Variants in AARS1 observed in about 807,000 individuals in gnomAD.
AARS1 encodes alanyl-tRNA synthetase 1.
In AARS1, 72 loss-of-function variants were observed where a neutral mutation model predicts 108.9. The observed-to-expected ratio is 0.66, with a 90% CI of 0.55 to 0.80. AARS1 has a LOEUF of 0.80. AARS1 is among the 30% of genes least tolerant of loss of function. The pLI is 0.00. For synonymous variants in AARS1, 489 were observed against 465.7 expected (o/e 1.05, Z -0.64); for missense variants, 1,193 against 1,233.2 (o/e 0.97, Z 0.49).
chr16:70,268,919 TAA>T (rs1339290409), intron 7 of AARS1, among the ~76,000 whole-genome samples: 1 of 152,168 alleles, frequency 6.6e-6, no homozygotes, highest in African/African-American at 2.4e-5. Context: ...TTAAGTTTCA[TAA>T]AGAGGCCGGG....
rs1567606748 is a variant in AARS1, at chr16:70,267,826, A to G, written c.1072-17T>C. On this transcript the variant is annotated splice_polypyrimidine_tract_variant and intron_variant, in intron 8 of 20. Transcript: ENST00000261772. Reference sequence around the variant, plus strand: ...TGCATCTCCCTGACAAAGGGGAAGCAAGATGAGGGGCTGGATGAAGCCAGA... The same window carrying G: ...TGCATCTCCCTGACAAAGGGGAAGCGAGATGAGGGGCTGGATGAAGCCAGA... 1 of 1,614,150 alleles carries G rather than the reference A, an allele frequency of 6.2e-7. No homozygotes were observed. The highest frequency in any genetic ancestry group is 1.7e-5 in the Admixed American group (1 of 60,012).
Position 70,265,551 on chromosome 16 carries a change from C to A in AARS1, c.1334G>T (p.Arg445Met), listed in dbSNP as rs776515117. The change falls in exon 10 of 21, where the codon AGG (arginine) becomes ATG (methionine). Residue 445 changes from arginine (R) to methionine (M), a missense_variant. Arg to Met is a moderately conservative substitution (Grantham distance 91, BLOSUM62 -1). Transcript: ENST00000261772. ...VVDMDGFEEERKLAQLKSQGK... is the reference protein window; with the variant it reads ...VVDMDGFEEEMKLAQLKSQGK... Reference sequence around the variant, plus strand: ...CAAGTTCTTTACCTGGGCCAGTTTCCTCTCCTCTTCAAAGCCATCCATGTC... The same window carrying A: ...CAAGTTCTTTACCTGGGCCAGTTTCATCTCCTCTTCAAAGCCATCCATGTC... 2 of 1,613,976 alleles carry A rather than the reference C, an allele frequency of 1.2e-6. No homozygotes were observed. The highest frequency in any genetic ancestry group is 3.3e-5 in the Admixed American group (2 of 59,996).
chr16:70,279,388 G>A (rs1187432755), intron 2 of AARS1, among the ~76,000 whole-genome samples: 8 of 148,130 alleles, frequency 5.4e-5, no homozygotes, highest in Non-Finnish European at 8.9e-5. Context: ...GGCCAGGTGC[G>A]GTGGCTCACA....
At chr16:70,256,155 C>T (rs1959986480) in intron 15 of AARS1, among the ~76,000 whole-genome samples, 2 of 152,186 alleles carry the variant, frequency 1.3e-5, no homozygotes, top group Admixed American at 1.3e-4. Context: ...GGAACTTAAG[C>T]TCCATTTTTG....
chr16:70,270,042 G>A (rs1960359652), intron 6 of AARS1, among the ~76,000 whole-genome samples, 154 bp downstream of exon 6: 2 of 151,982 alleles, frequency 1.3e-5, no homozygotes, highest in South Asian at 4.1e-4. Flanking sequence ...ACACCAATTT[G>A]TGGAGCCTCA....
intron 7 of AARS1, among the ~76,000 whole-genome samples, chr16:70,269,080 G>A (rs1193257175): frequency 6.6e-6 from 1 of 151,906 alleles, no homozygotes; most frequent in Admixed American, 6.6e-5. Flanking sequence ...TCCCAGCACT[G>A]TGGGAGGCCG....
At chr16:70,283,356 C>T (rs1009215869) in intron 1 of AARS1, among the ~76,000 whole-genome samples, 1 of 151,294 alleles carries the variant, frequency 6.6e-6, no homozygotes, top group East Asian at 1.9e-4. Context: ...AAGACCACAC[C>T]ACTGCACTCC....
intron 4 of AARS1, among the ~76,000 whole-genome samples, chr16:70,273,639 G>A (rs972803551): frequency 4.6e-5 from 7 of 151,514 alleles, no homozygotes; most frequent in Admixed American, 6.6e-5. Flanking sequence ...AAGGCAGGCC[G>A]ATCATGAGGT....
chr16:70,271,967 T>C lies in AARS1; in HGVS notation c.485A>G (p.Asp162Gly). 1 of 1,613,678 alleles carries C rather than the reference T, an allele frequency of 6.2e-7. No individual in the cohort carries two copies. Among genetic ancestry groups the C allele is most frequent in the Non-Finnish European group, 8.5e-7 (1 of 1,179,724 alleles). ...CKQIWQNLGL[D>G]DTKILPGNMK... ...GTTGCCTGGGAGGATTTTGGTGTCA[T>C]CCAGCCTGACAAAGGAGTAAAGATA... is the stretch of plus-strand genomic sequence containing the variant. Residue 162 changes from aspartate to glycine, a missense_variant, in exon 5 of 21, where the codon GAT becomes GGT. Transcript: ENST00000261772.
Position 70,252,510 on chromosome 16 carries a change from G to C in AARS1, c.*211C>G, listed in dbSNP as rs1439776474. 2 of 601,650 alleles carry C rather than the reference G, an allele frequency of 3.3e-6. No homozygotes were observed. The highest frequency in any genetic ancestry group is 5.6e-5 in the East Asian group (2 of 35,470). The allele number at this position is 601,650 out of a possible 1,614,324, so 37.3% of individuals were successfully genotyped here. On this transcript the variant is annotated 3_prime_UTR_variant, in exon 21 of 21. Coordinates refer to ENST00000261772, the MANE Select transcript of AARS1 (RefSeq NM_001605.3). Reference sequence around the variant, plus strand: ...AGCGTGACGATCAACAGCAATGCGGGGTTAGTGGTTCTAGACCGATGGCAC... The same window carrying C: ...AGCGTGACGATCAACAGCAATGCGGCGTTAGTGGTTCTAGACCGATGGCAC...
At chr16:70,259,458 G>A (rs1275821607) in intron 13 of AARS1, among the ~76,000 whole-genome samples, 2 of 152,096 alleles carry the variant, frequency 1.3e-5, no homozygotes, top group Non-Finnish European at 2.9e-5. Flanking sequence ...CCAAATGACG[G>A]CCGATGGCTA....
intron 1 of AARS1, among the ~76,000 whole-genome samples, chr16:70,286,397 C>G (rs1317486231): frequency 1.5e-5 from 2 of 136,302 alleles, no homozygotes; most frequent in Non-Finnish European, 3.1e-5. Context: ...GAGACAGGGT[C>G]TCCCTCTCTG....
chr16:70,259,560 G>A (rs910980035), intron 13 of AARS1, among the ~76,000 whole-genome samples: 1 of 152,098 alleles, frequency 6.6e-6, no homozygotes, highest in African/African-American at 2.4e-5. Context: ...GTAGCTCAGT[G>A]CCACCTCAAA....
At chr16:70,272,958 A>G (rs1180345802) in intron 4 of AARS1, among the ~76,000 whole-genome samples, 2 of 150,512 alleles carry the variant, frequency 1.3e-5, no homozygotes, top group African/African-American at 4.9e-5. Flanking sequence ...TAAAAGCTAC[A>G]CTTTTAAAGT....
At chr16:70,256,057 A>G (rs868092884) in intron 15 of AARS1, among the ~76,000 whole-genome samples, 6 of 152,218 alleles carry the variant, frequency 3.9e-5, no homozygotes, top group Non-Finnish European at 7.3e-5. Flanking sequence ...TGAAAATCAA[A>G]TGAGGTAAAC....
chr16:70,253,542 C>T, intron 19 of AARS1, 161 bp from the exon 20 acceptor site: 1 of 1,023,746 alleles, frequency 9.8e-7, no homozygotes, highest in Admixed American at 2.0e-5. Flanking sequence ...GGGCCCTGCC[C>T]CTACCCTGGC....
At chr16:70,288,398 C>A (rs1312571211) in intron 1 of AARS1, among the ~76,000 whole-genome samples, 1 of 151,634 alleles carries the variant, frequency 6.6e-6, no homozygotes, top group Non-Finnish European at 1.5e-5. Context: ...CGTGAGCCAC[C>A]GCGCCCGGCC....
At chr16:70,258,723 G>A (rs1365877032) in intron 14 of AARS1, among the ~76,000 whole-genome samples, 3 of 152,094 alleles carry the variant, frequency 2.0e-5, no homozygotes, top group Admixed American at 6.6e-5. Flanking sequence ...CCGCCACCAC[G>A]CCCGGCTAAT....
Position 70,289,444 on chromosome 16 carries a change from G to C in AARS1, c.-45C>G. On this transcript the variant is annotated 5_prime_UTR_variant, in exon 1 of 21. Coordinates refer to ENST00000261772, the MANE Select transcript of AARS1 (RefSeq NM_001605.3). Reference sequence around the variant, plus strand: ...ACCTCTCCTAGGGTCGCCGTCCCCAGCTCCTCCCTCAGAGTCCCCCGCCAA... The same window carrying C: ...ACCTCTCCTAGGGTCGCCGTCCCCACCTCCTCCCTCAGAGTCCCCCGCCAA... 2.4e-6 allele frequency: 1 copy of C among 410,192 alleles called. No homozygotes were observed. Among genetic ancestry groups the C allele is most frequent in the Non-Finnish European group, 4.9e-6 (1 of 203,462 alleles). The allele number at this position is 410,192 out of a possible 1,614,324, so 25.4% of individuals were successfully genotyped here.
Sources: allele counts gnomAD v4.1 joint callset (sites outside exome capture counted in the v4.1 genomes callset), GRCh38; gene constraint gnomAD v4.1.1; transcripts MANE v1.5; gene names NCBI Gene and HGNC (gene_info 2026-07-23, HGNC 2026-07-21).